PSMD14: variants seen among roughly 807,000 people sequenced by gnomAD.
PSMD14 encodes proteasome 26S subunit, non-ATPase 14.
A neutral mutation model predicts 41.2 loss-of-function variants in PSMD14; 7 were observed. That is an observed-to-expected ratio of 0.17 (90% CI 0.10 to 0.32). The LOEUF is 0.32. Among genes scored for constraint, PSMD14 ranks in the 10% least tolerant of loss-of-function variants. The pLI is 1.00. For synonymous variants in PSMD14, 114 were observed against 122.3 expected (o/e 0.93, Z 0.45); for missense variants, 139 against 375.6 (o/e 0.37, Z 5.21).
intron 3 of PSMD14, among the ~76,000 whole-genome samples, chr2:161,322,552 G>A (rs1574114827): frequency 1.3e-5 from 2 of 152,064 alleles, no homozygotes; most frequent in Admixed American, 1.3e-4. Context: ...TCCACGCCCA[G>A]CTAATTTTTT....
intron 3 of PSMD14, among the ~76,000 whole-genome samples, chr2:161,358,524 A>G (rs1229919849): frequency 1.3e-5 from 2 of 152,144 alleles, no homozygotes; most frequent in Non-Finnish European, 2.9e-5. Context: ...GCTCCTCCCA[A>G]TCCTGAAACT....
At chr2:161,347,885 G>C (rs1187505222) in intron 3 of PSMD14, among the ~76,000 whole-genome samples, 1 of 152,194 alleles carries the variant, frequency 6.6e-6, no homozygotes, top group African/African-American at 2.4e-5. Flanking sequence ...TTTTTCAGAT[G>C]CAGCTGAGGC....
At chr2:161,321,860 A>G (rs1487687687) in intron 3 of PSMD14, among the ~76,000 whole-genome samples, 1 of 152,182 alleles carries the variant, frequency 6.6e-6, no homozygotes, top group Non-Finnish European at 1.5e-5. Flanking sequence ...CCCTCCCTGC[A>G]CATCAGTGAG....
At chr2:161,354,510 T>TTATA (rs886385741) in intron 3 of PSMD14, among the ~76,000 whole-genome samples, 3 of 150,566 alleles carry the variant, frequency 2.0e-5, no homozygotes, top group African/African-American at 7.4e-5. Context: ...TGCTTGGTCC[T>TTATA]TGTTGCAGTG....
chr2:161,353,278 A>G (rs1162923976), intron 3 of PSMD14, among the ~76,000 whole-genome samples: 1 of 152,222 alleles, frequency 6.6e-6, no homozygotes, highest in Non-Finnish European at 1.5e-5. Context: ...AGGGAATTCC[A>G]AAATGATTTA....
At chr2:161,346,350 C>T (rs187076450) in intron 3 of PSMD14, among the ~76,000 whole-genome samples, 1 of 152,172 alleles carries the variant, frequency 6.6e-6, no homozygotes, top group African/African-American at 2.4e-5. Context: ...TTGTCATTTT[C>T]ATCCCAAGAA....
At chr2:161,348,229 T>G (rs1044854512) in intron 3 of PSMD14, among the ~76,000 whole-genome samples, 1 of 152,222 alleles carries the variant, frequency 6.6e-6, no homozygotes, top group Non-Finnish European at 1.5e-5. Flanking sequence ...ATAACAGCAT[T>G]GCTTATAACA....
rs1444703973 is a variant in PSMD14 at position 161,391,121 on chromosome 2, A to G, written c.588A>G (p.Leu196=). The change falls in exon 9 of 12, where the codon CTA becomes CTG. Residue 196 remains leucine (L), a synonymous_variant. Coordinates refer to ENST00000409682, the MANE Select transcript of PSMD14 (RefSeq NM_005805.6). Reference sequence around the variant, plus strand: ...CTATATAGGCATTAATTCATGGACTAAACAGACATTATTACTCCATTACTA... The same window carrying G: ...CTATATAGGCATTAATTCATGGACTGAACAGACATTATTACTCCATTACTA... ...KPSIQALIHG[L]NRHYYSITIN... The G allele has an allele frequency of 6.5e-7, 1 of 1,531,596 alleles. No homozygotes were observed. 94.9% of individuals were successfully genotyped at this position (1,531,596 alleles called of 1,614,324 possible). A position where few individuals can be genotyped will look rare whatever the true frequency, so the allele number is the denominator to read the frequency against.
At chr2:161,364,259 C>G (rs1454601814) in intron 3 of PSMD14, among the ~76,000 whole-genome samples, 4 of 152,176 alleles carry the variant, frequency 2.6e-5, no homozygotes, top group Non-Finnish European at 1.5e-5. Context: ...ATGTGCTCCT[C>G]TCTCATGTTC....
intron 9 of PSMD14, among the ~76,000 whole-genome samples, chr2:161,392,674 C>A (rs1449470583): frequency 6.6e-6 from 1 of 152,100 alleles, no homozygotes; most frequent in East Asian, 1.9e-4. Context: ...GACCACTTCC[C>A]CCTTGGCGCA....
At chr2:161,378,507 G>A (rs181729293) in intron 7 of PSMD14, among the ~76,000 whole-genome samples, 4 of 151,600 alleles carry the variant, frequency 2.6e-5, no homozygotes, top group South Asian at 2.1e-4. Flanking sequence ...TTTTTTTGAG[G>A]TTTTCATTTC....
chr2:161,326,369 G>A (rs1451468040), intron 3 of PSMD14, among the ~76,000 whole-genome samples: 1 of 152,078 alleles, frequency 6.6e-6, no homozygotes, highest in Non-Finnish European at 1.5e-5. Context: ...CATTTGAATG[G>A]CTATTATCCA....
intron 7 of PSMD14, among the ~76,000 whole-genome samples, chr2:161,378,807 A>G (rs1172659136): frequency 6.6e-6 from 1 of 152,018 alleles, no homozygotes; most frequent in Admixed American, 6.6e-5. Context: ...CCATAAATTG[A>G]TAATATTAAT....
At chr2:161,394,926 T>C (rs11886577) in intron 9 of PSMD14, among the ~76,000 whole-genome samples, 152 bp from the exon 10 acceptor site, 43,873 of 151,668 alleles carry the variant, frequency 0.29, 6,868 homozygotes, top group East Asian at 0.54. Flanking sequence ...TTAATACAAA[T>C]ATAGGAGCAT....
chr2:161,370,094 C>T lies in PSMD14; in HGVS notation c.241-13C>T. On this transcript the variant is annotated splice_polypyrimidine_tract_variant and intron_variant, in intron 5 of 11. Transcript: ENST00000409682. Reference sequence around the variant, plus strand: ...TTACAAAAATTAATAATTTTTCTTTCTTTCTAAATCAGGGTGTCAGTGTGG... The same window carrying T: ...TTACAAAAATTAATAATTTTTCTTTTTTTCTAAATCAGGGTGTCAGTGTGG... 1 of 1,533,682 alleles carries T rather than the reference C, an allele frequency of 6.5e-7. No homozygotes were observed. The highest frequency in any genetic ancestry group is 8.8e-7 in the Non-Finnish European group (1 of 1,140,034).
At chr2:161,327,411 T>C (rs1406574533) in intron 3 of PSMD14, among the ~76,000 whole-genome samples, 1 of 152,152 alleles carries the variant, frequency 6.6e-6, no homozygotes, top group Non-Finnish European at 1.5e-5. Context: ...CATTTAAAAG[T>C]TCAGTTACCG....
chr2:161,341,862 T>TAA (rs138340137), intron 3 of PSMD14, among the ~76,000 whole-genome samples: 125 of 135,262 alleles, frequency 9.2e-4, no homozygotes, highest in Non-Finnish European at 1.5e-3. Context: ...AAATTAAAAT[T>TAA]AAAAAAAATA....
intron 7 of PSMD14, 83 bp from the exon 8 acceptor site, chr2:161,385,381 C>T (rs1338992573): frequency 7.9e-6 from 5 of 634,318 alleles, no homozygotes; most frequent in East Asian, 2.9e-5. Flanking sequence ...AACAGATGCA[C>T]GTCGATCATG....
rs1218215415 is a variant in PSMD14, at chr2:161,316,538, T to C, written c.-36T>C. 2 of 152,242 alleles carry C rather than the reference T, an allele frequency of 1.3e-5. No individual in the cohort carries two copies. The highest frequency in any genetic ancestry group is 3.8e-4 in the East Asian group (2 of 5,202). 9.4% of individuals were successfully genotyped at this position (152,242 alleles called of 1,614,324 possible). A position where few individuals can be genotyped will look rare whatever the true frequency, so the allele number is the denominator to read the frequency against. ...TTTGTCAAACTCAACAAATTGAAGG[T>C]TAACACCTTAAGAGTTGTAGTTACT... On this transcript the variant is annotated 5_prime_UTR_variant, in exon 2 of 12. Transcript: ENST00000409682.
Sources: allele counts gnomAD v4.1 joint callset (sites outside exome capture counted in the v4.1 genomes callset), GRCh38; gene constraint gnomAD v4.1.1; transcripts MANE v1.5; gene names NCBI Gene and HGNC (gene_info 2026-07-23, HGNC 2026-07-21).